Variants in PRDM16 observed in about 807,000 individuals in gnomAD.
The protein encoded by PRDM16 is PR/SET domain 16, also known as histone-lysine N-methyltransferase PRDM16.
PRDM16 carries 23 observed loss-of-function variants against 110.6 expected under a neutral mutation model. The ratio of observed to expected loss-of-function variants is 0.21; its 90% confidence interval spans 0.15 to 0.29. The LOEUF (loss-of-function observed/expected upper bound fraction) is 0.29. Among genes scored for constraint, PRDM16 ranks in the 10% least tolerant of loss-of-function variants. The pLI, the probability that PRDM16 is intolerant of heterozygous loss-of-function variation, is 1.00. For missense variants in PRDM16, 1,615 were observed against 1,794.3 expected (o/e 0.90, Z 1.81); for synonymous variants, 799 against 781.8 (o/e 1.02, Z -0.37).
chr1:3,248,219 C>G (rs1292437402), intron 3 of PRDM16, among the ~76,000 whole-genome samples: 1 of 152,098 alleles, frequency 6.6e-6, no homozygotes, highest in Non-Finnish European at 1.5e-5. Flanking sequence ...AGAGTGTAGT[C>G]CACCCGGGAG....
chr1:3,278,575 G>A (rs1331974379), intron 3 of PRDM16, among the ~76,000 whole-genome samples: 1 of 152,186 alleles, frequency 6.6e-6, no homozygotes, highest in Non-Finnish European at 1.5e-5. Context: ...CATGAAACAG[G>A]CCCTGGAACC....
chr1:3,317,454 TCAGG>T (rs1641636410), intron 3 of PRDM16, among the ~76,000 whole-genome samples: 1 of 152,242 alleles, frequency 6.6e-6, no homozygotes, highest in Admixed American at 6.5e-5. Context: ...GGGCGTGCCG[TCAGG>T]GTCCTGGTGT....
chr1:3,096,416 A>G (rs6666748), intron 1 of PRDM16, among the ~76,000 whole-genome samples: 31,103 of 152,030 alleles, frequency 0.2, 3,328 homozygotes, highest in African/African-American at 0.22. Flanking sequence ...AGTCGGAGCC[A>G]TAGGGGAAGG....
chr1:3,300,550 C>T (rs184211905), intron 3 of PRDM16, among the ~76,000 whole-genome samples: 1 of 152,332 alleles, frequency 6.6e-6, no homozygotes, highest in East Asian at 1.9e-4. Flanking sequence ...CATGGTTTTC[C>T]AGCCTCAGGA....
In PRDM16 at chr1:3,436,955, G is replaced by A. The variant is rs940393611; in HGVS notation, c.*3144G>A. On this transcript the variant is annotated 3_prime_UTR_variant, in exon 17 of 17. Coordinates refer to ENST00000270722, the MANE Select transcript of PRDM16 (RefSeq NM_022114.4). ...GGAGGCCTCCTCGCACCTGCCCTCC[G>A]CTGCTCCTCAGACCCCAGCCCCCAG... 1.5e-4 allele frequency: 35 copies of A among 227,058 alleles called. No individual in the cohort carries two copies. The highest frequency in any genetic ancestry group is 1.2e-4 in the East Asian group (2 of 16,026). 14.1% of individuals were successfully genotyped at this position (227,058 alleles called of 1,614,324 possible). A position where few individuals can be genotyped will look rare whatever the true frequency, so the allele number is the denominator to read the frequency against.
chr1:3,398,066 G>C (rs534675789), intron 5 of PRDM16, among the ~76,000 whole-genome samples: 33 of 152,246 alleles, frequency 2.2e-4, no homozygotes, highest in Admixed American at 9.8e-4. Context: ...TGGATAGCAG[G>C]GGGGAGGGCC....
In PRDM16 at chr1:3,437,238, A is replaced by G; in HGVS notation, c.*3427A>G. 1 of 232,408 alleles carries G rather than the reference A, an allele frequency of 4.3e-6. No homozygotes were observed. Among genetic ancestry groups the G allele is most frequent in the African/African-American group, 2.2e-5 (1 of 45,250 alleles). The allele number at this position is 232,408 out of a possible 1,614,324, so 14.4% of individuals were successfully genotyped here. A position where few individuals can be genotyped will look rare whatever the true frequency, so the allele number is the denominator to read the frequency against. On this transcript the variant is annotated 3_prime_UTR_variant, in exon 17 of 17. Transcript: ENST00000270722. Reference sequence around the variant, plus strand: ...CCACGCGTGCAGCTGTCCCATCCAGACCCCGACTGGCCAAGACCTCCACGT... The same window carrying G: ...CCACGCGTGCAGCTGTCCCATCCAGGCCCCGACTGGCCAAGACCTCCACGT...
intron 1 of PRDM16, among the ~76,000 whole-genome samples, chr1:3,076,156 G>T (rs1641893993): frequency 2.0e-5 from 3 of 152,228 alleles, no homozygotes; most frequent in Admixed American, 2.0e-4. Flanking sequence ...ACACTGTGCA[G>T]CTCCAGCCCG....
chr1:3,114,887 T>A (rs560789265), intron 1 of PRDM16, among the ~76,000 whole-genome samples: 3 of 152,378 alleles, frequency 2.0e-5, no homozygotes, highest in Non-Finnish European at 2.9e-5. Flanking sequence ...CTGGCCGGGA[T>A]GCAGGATTCG....
chr1:3,280,681 G>T (rs1363696276), intron 3 of PRDM16, among the ~76,000 whole-genome samples: 1 of 152,228 alleles, frequency 6.6e-6, no homozygotes, highest in Non-Finnish European at 1.5e-5. Flanking sequence ...CTTCTCTGAG[G>T]CATGAAGGCT....
chr1:3,186,001 C>A, intron 1 of PRDM16, 124 bp from the exon 2 acceptor site: 1 of 774,004 alleles, frequency 1.3e-6, no homozygotes, highest in East Asian at 2.6e-5. Context: ...GGGTGGCAGC[C>A]GGGCCTTCTG....
At chr1:3,288,265 G>A (rs74050833) in intron 3 of PRDM16, among the ~76,000 whole-genome samples, 3,083 of 152,302 alleles carry the variant, frequency 0.02, 120 homozygotes, top group African/African-American at 0.069. Context: ...AAGCAGCTGA[G>A]ACCTAGGGGC....
intron 1 of PRDM16, among the ~76,000 whole-genome samples, chr1:3,079,192 T>C (rs1641963979): frequency 6.6e-6 from 1 of 152,230 alleles, no homozygotes; most frequent in Admixed American, 6.5e-5. Flanking sequence ...CCTCAGACTG[T>C]GCTCCCGAGT....
intron 1 of PRDM16, among the ~76,000 whole-genome samples, chr1:3,072,049 G>C (rs998463176): frequency 1.3e-5 from 2 of 152,190 alleles, no homozygotes; most frequent in Non-Finnish European, 2.9e-5. Context: ...CGGGGCTGTG[G>C]CTCAGCTGAT....
At chr1:3,409,852 GTGTGTGGTGTT>G (rs1235448155) in intron 8 of PRDM16, among the ~76,000 whole-genome samples, 4 of 146,842 alleles carry the variant, frequency 2.7e-5, no homozygotes, top group Non-Finnish European at 6.0e-5. Context: ...GTGTGGGTGT[GTGTGTGGTGTT>G]TGTGTGCATG....
intron 3 of PRDM16, among the ~76,000 whole-genome samples, chr1:3,271,267 A>G (rs1467066161): frequency 6.6e-6 from 1 of 152,206 alleles, no homozygotes; most frequent in Non-Finnish European, 1.5e-5. Flanking sequence ...GCTACTTCCC[A>G]CAGCTAAACA....
rs1569592442 is a variant in PRDM16 at position 3,370,850 on chromosome 1, A to C, written c.439-14302A>C. Among the ~76,000 whole-genome samples the C allele has an allele frequency of 6.6e-6, 1 of 151,624 alleles. No individual in the cohort carries two copies. The highest frequency in any genetic ancestry group is 1.5e-5 in the Non-Finnish European group (1 of 67,886). ...CATCTATTCATCCATCCGTCCACCC[A>C]CCCATCCATCCATTAATTATCCATC... On this transcript the variant is annotated intron_variant, in intron 3 of 16. Coordinates refer to ENST00000270722, the MANE Select transcript of PRDM16 (RefSeq NM_022114.4). The surrounding 1 kb of genome is among the most constrained non-coding windows in gnomAD (Gnocchi z 4.8).
In PRDM16 at chr1:3,290,401, A is replaced by T. The variant is rs1156819497; in HGVS notation, c.438+46264A>T. ...AGATGAGGAGGCACAGAGAGGGGGA[A>T]ATTTGCCGGTTCCCCAAAGAGCCTG... is the stretch of plus-strand genomic sequence containing the variant. On this transcript the variant is annotated intron_variant, in intron 3 of 16. Coordinates refer to ENST00000270722, the MANE Select transcript of PRDM16 (RefSeq NM_022114.4). The surrounding 1 kb of genome is among the most constrained non-coding windows in gnomAD (Gnocchi z 4.8). Among the ~76,000 whole-genome samples the T allele has an allele frequency of 6.6e-6, 1 of 152,052 alleles. No individual in the cohort carries two copies. The highest frequency in any genetic ancestry group is 2.4e-5 in the African/African-American group (1 of 41,412).
chr1:3,085,036 CT>C (rs1270359744), intron 1 of PRDM16, among the ~76,000 whole-genome samples: 1 of 152,142 alleles, frequency 6.6e-6, no homozygotes, highest in Non-Finnish European at 1.5e-5. Context: ...GCCCCTTTTC[CT>C]GCACCCCTTG....
Sources: allele counts gnomAD v4.1 joint callset (sites outside exome capture counted in the v4.1 genomes callset), GRCh38; gene constraint gnomAD v4.1.1; non-coding constraint Gnocchi (gnomAD v3.1); transcripts MANE v1.5; gene names NCBI Gene and HGNC (gene_info 2026-07-23, HGNC 2026-07-21).